SMPD3: variants seen among roughly 807,000 people sequenced by gnomAD.
The protein encoded by SMPD3 is sphingomyelin phosphodiesterase 3.
A neutral mutation model predicts 55.7 loss-of-function variants in SMPD3; 21 were observed. The ratio of observed to expected loss-of-function variants is 0.38; its 90% CI spans 0.27 to 0.54. SMPD3 has a LOEUF of 0.54. Among genes scored for constraint, SMPD3 ranks in the 20% least tolerant of loss-of-function variants. SMPD3 has a pLI of 0.80. For synonymous variants in SMPD3, 457 were observed against 404.3 expected, an observed-to-expected ratio of 1.13 and a Z score of -1.56; for missense variants, 842 against 899.6, an observed-to-expected ratio of 0.94 and a Z score of 0.82.
chr16:68,427,757 G>GT (rs919884956), intron 1 of SMPD3, among the ~76,000 whole-genome samples: 1 of 151,832 alleles, frequency 6.6e-6, no homozygotes, highest in African/African-American at 2.4e-5. Flanking sequence ...ATGACTGGGG[G>GT]GGGGTGCTGA....
chr16:68,425,928 C>T (rs1237862169), intron 1 of SMPD3, among the ~76,000 whole-genome samples: 2 of 152,112 alleles, frequency 1.3e-5, no homozygotes, highest in Non-Finnish European at 2.9e-5. Context: ...TGACAATGTA[C>T]CCCCAGCACA....
chr16:68,368,419 C>T (rs1194431638), intron 3 of SMPD3: 1 of 152,680 alleles, frequency 6.5e-6, no homozygotes, highest in Admixed American at 6.5e-5. Context: ...CACACCTGGC[C>T]TCAGACGAGG....
At chr16:68,402,711 A>ACAAGGTTCTACGGAAT (rs543015076) in intron 1 of SMPD3, among the ~76,000 whole-genome samples, 4 of 152,220 alleles carry the variant, frequency 2.6e-5, no homozygotes, top group African/African-American at 9.7e-5. Flanking sequence ...CAAAGAGGCA[A>ACAAGGTTCTACGGAAT]CAAGGTTCTA....
intron 2 of SMPD3, among the ~76,000 whole-genome samples, chr16:68,374,864 C>T (rs1484823737): frequency 1.3e-5 from 2 of 152,198 alleles, no homozygotes; most frequent in Non-Finnish European, 2.9e-5. Context: ...AGAGGGAGAG[C>T]TTGCAGGTCC....
chr16:68,375,822 G>A (rs561061766), intron 2 of SMPD3, among the ~76,000 whole-genome samples: 1 of 152,334 alleles, frequency 6.6e-6, no homozygotes, highest in East Asian at 1.9e-4. Flanking sequence ...ACTGGCAGCT[G>A]GTGGGCAGGA....
At chr16:68,420,558 A>G (rs1461521876) in intron 1 of SMPD3, among the ~76,000 whole-genome samples, 1 of 152,194 alleles carries the variant, frequency 6.6e-6, no homozygotes, top group Non-Finnish European at 1.5e-5. Context: ...CCTCAACTTA[A>G]TGCATGGGAG....
At chr16:68,372,923 G>A (rs1001196353) in intron 2 of SMPD3, among the ~76,000 whole-genome samples, 1 of 152,214 alleles carries the variant, frequency 6.6e-6, no homozygotes, top group Non-Finnish European at 1.5e-5. Flanking sequence ...GGAGCAGAGG[G>A]CAGTGTGGCC....
intron 7 of SMPD3, among the ~76,000 whole-genome samples, chr16:68,362,611 T>C (rs2089339622): frequency 6.6e-6 from 1 of 152,204 alleles, no homozygotes; most frequent in Admixed American, 6.5e-5. Context: ...GGCCGCCAGG[T>C]CTGTGAGTGC....
At chr16:68,376,112 G>A (rs1218887224) in intron 2 of SMPD3, among the ~76,000 whole-genome samples, 1 of 152,196 alleles carries the variant, frequency 6.6e-6, no homozygotes, top group Non-Finnish European at 1.5e-5. Flanking sequence ...AATGAAAGGA[G>A]GGTAAATAAG....
chr16:68,372,327 G>A lies in SMPD3; in HGVS notation c.-146C>T, dbSNP rs747054117. The A allele has an allele frequency of 2.0e-5, 21 of 1,071,890 alleles. No homozygotes were observed. Among genetic ancestry groups the A allele is most frequent in the Non-Finnish European group, 2.6e-5 (19 of 740,028 alleles). The allele number at this position is 1,071,890 out of a possible 1,614,324, so 66.4% of individuals were successfully genotyped here. A position where few individuals can be genotyped will look rare whatever the true frequency, so the allele number is the denominator to read the frequency against. The stretch of plus-strand genomic sequence containing the variant: ...GATGCAACTCCGGCTGGTCAATGGC[G>A]AATGTTGGCCAGCCGGTCATGGTTC... On this transcript the variant is annotated 5_prime_UTR_variant, in exon 3 of 9. Transcript: ENST00000219334.
At chr16:68,369,341 G>A (rs1030984103) in intron 3 of SMPD3, 1 of 152,216 alleles carries the variant, frequency 6.6e-6, no homozygotes, top group Non-Finnish European at 1.5e-5. Context: ...CTGGGAGGAG[G>A]GGCTGTCCCA....
intron 1 of SMPD3, among the ~76,000 whole-genome samples, chr16:68,396,919 G>GATT (rs1416476312): frequency 2.0e-5 from 3 of 152,184 alleles, no homozygotes; most frequent in African/African-American, 7.2e-5. Context: ...TCATCAACAT[G>GATT]ATTATATAAA....
chr16:68,409,078 A>G (rs1213953350), intron 1 of SMPD3, among the ~76,000 whole-genome samples: 1 of 152,126 alleles, frequency 6.6e-6, no homozygotes, highest in Non-Finnish European at 1.5e-5. Flanking sequence ...CTCGCTGACA[A>G]TGCTGACCTG....
At chr16:68,379,460 T>C (rs1381306195) in intron 2 of SMPD3, among the ~76,000 whole-genome samples, 1 of 152,258 alleles carries the variant, frequency 6.6e-6, no homozygotes, top group African/African-American at 2.4e-5. Context: ...CGCTTATTTT[T>C]ATCATTTTGC....
At chr16:68,443,842 C>T (rs1164757992) in intron 1 of SMPD3, among the ~76,000 whole-genome samples, 7 of 152,164 alleles carry the variant, frequency 4.6e-5, no homozygotes, top group African/African-American at 1.7e-4. Flanking sequence ...AGGGAAAAAA[C>T]AGTGGTAAGG....
At chr16:68,431,325 C>T (rs953497804) in intron 1 of SMPD3, among the ~76,000 whole-genome samples, 7 of 152,096 alleles carry the variant, frequency 4.6e-5, no homozygotes, top group South Asian at 4.1e-4. Flanking sequence ...CAATAAGGTT[C>T]GGGACTAATT....
At chr16:68,412,251 A>G (rs1253439893) in intron 1 of SMPD3, among the ~76,000 whole-genome samples, 1 of 152,236 alleles carries the variant, frequency 6.6e-6, no homozygotes, top group Non-Finnish European at 1.5e-5. Context: ...AGGTACGCCC[A>G]CAGCAGCCCA....
At chr16:68,390,248 T>A (rs1257526588) in intron 1 of SMPD3, among the ~76,000 whole-genome samples, 1 of 152,280 alleles carries the variant, frequency 6.6e-6, no homozygotes, top group African/African-American at 2.4e-5. Context: ...AGGGTTGTTT[T>A]GTTCACCATC....
intron 1 of SMPD3, among the ~76,000 whole-genome samples, chr16:68,432,351 T>C (rs780852919): frequency 2.0e-5 from 3 of 152,156 alleles, no homozygotes; most frequent in Non-Finnish European, 4.4e-5. Flanking sequence ...CTAGGATTCT[T>C]ATATAAGAGA....
Sources: allele counts gnomAD v4.1 joint callset (sites outside exome capture counted in the v4.1 genomes callset), GRCh38; gene constraint gnomAD v4.1.1; transcripts MANE v1.5; gene names NCBI Gene and HGNC (gene_info 2026-07-23, HGNC 2026-07-21).